AP1G1: variants seen among roughly 807,000 people sequenced by gnomAD.
AP1G1 encodes the protein adaptor related protein complex 1 subunit gamma 1, also known as AP-1 complex subunit gamma-1.
AP1G1 carries 7 observed loss-of-function variants against 108.3 expected under a neutral mutation model. The observed-to-expected ratio is 0.06, with a 90% CI of 0.04 to 0.12. The LOEUF is 0.12. Ranked by LOEUF, AP1G1 falls within the 10% of genes least tolerant of loss-of-function variation. The probability of loss-of-function intolerance (pLI) is 1.00; values close to 1 mark genes in which losing one functional copy is unlikely to be tolerated. For synonymous variants in AP1G1, 379 were observed against 353.5 expected (o/e 1.07, Z -0.81); for missense variants, 756 against 1,010.7 (o/e 0.75, Z 3.42).
intron 13 of AP1G1, among the ~76,000 whole-genome samples, chr16:71,752,143 A>C (rs1220718147): frequency 6.6e-6 from 1 of 152,314 alleles, no homozygotes; most frequent in South Asian, 2.1e-4. Context: ...TCACATGATC[A>C]TAAGAGAACA....
rs1224447162 is a variant in AP1G1, at chr16:71,746,638, C to T, written c.1680G>A (p.Gln560=). The change falls in exon 17 of 23, where the codon CAG becomes CAA. Residue 560 remains glutamine, a synonymous_variant. Transcript: ENST00000299980. ...GTGCATTATATTCTACTGCCCTCTG[C>T]TGGAGTTCCACATCAATGCTGCTTC... ...IYGSSIDVEL[Q]QRAVEYNALF... 3.1e-6 allele frequency: 5 copies of T among 1,613,434 alleles called. No individual in the cohort carries two copies. The South Asian group carries it at 5.5e-5, about 18-fold the overall frequency.
Position 71,746,682 on chromosome 16 carries a change from T to C in AP1G1, c.1636A>G (p.Lys546Glu). Residue 546 changes from lysine to glutamate, a missense_variant, in exon 17 of 23, where the codon AAA becomes GAA. Physicochemically the swap from Lys to Glu is moderately conservative, Grantham distance 56. Around this residue, in one of 3 missense-constraint regions of AP1G1, gnomAD observed 357 missense variants for 366.5 expected, o/e 0.97. Coordinates refer to ENST00000299980, the MANE Select transcript of AP1G1 (RefSeq NM_001128.6). ...RFTCTVNRIK[K>E]VVSIYGSSID... ...CTGCTTCCGTAGATGGAAACCACTTTCTTAATTCGGCTATAGATAAAATGA... is the reference window on the plus strand; with the variant it reads ...CTGCTTCCGTAGATGGAAACCACTTCCTTAATTCGGCTATAGATAAAATGA... The C allele has an allele frequency of 6.2e-7, 1 of 1,611,062 alleles. No homozygotes were observed. Among genetic ancestry groups the C allele is most frequent in the Non-Finnish European group, 8.5e-7 (1 of 1,178,618 alleles).
At chr16:71,753,659 CATT>C in intron 13 of AP1G1, 171 bp downstream of exon 13, 1 of 654,900 alleles carries the variant, frequency 1.5e-6, no homozygotes, top group Non-Finnish European at 2.7e-6. Context: ...ATCCTGCCAT[CATT>C]ATATTCCTCC....
At position 71,738,350 on chromosome 16, in the gene AP1G1, C is replaced by T. The variant is rs183702415; in HGVS notation, c.2268+592G>A. On this transcript the variant is annotated intron_variant, in intron 21 of 22. Coordinates refer to ENST00000299980, the MANE Select transcript of AP1G1 (RefSeq NM_001128.6). ...CTGGGATTACAGCCGTGAGCCACTG[C>T]ACCCGGCCTCAAGATTTTTCACTAT... is the stretch of plus-strand genomic sequence containing the variant. 4.2e-3 allele frequency among the ~76,000 whole-genome samples: 635 copies of T among 152,176 alleles called. 8 individuals are homozygous for T. Among genetic ancestry groups the T allele is most frequent in the African/African-American group, 0.014 (568 of 41,524 alleles).
intron 1 of AP1G1, chr16:71,808,506 G>A (rs2033079677): frequency 4.8e-6 from 6 of 1,257,818 alleles, no homozygotes; most frequent in Non-Finnish European, 6.2e-6. Flanking sequence ...GGCCCGTACC[G>A]GCGGGGCAAC....
chr16:71,732,765 G>C lies in AP1G1; in HGVS notation c.*293C>G. Reference sequence around the variant, plus strand: ...AGCTGCTTATTTCCTCAGGGGCCCAGGGAATGTTGATTCTGGCTGTAAATG... The same window carrying C: ...AGCTGCTTATTTCCTCAGGGGCCCACGGAATGTTGATTCTGGCTGTAAATG... On this transcript the variant is annotated 3_prime_UTR_variant, in exon 23 of 23. Coordinates refer to ENST00000299980, the MANE Select transcript of AP1G1 (RefSeq NM_001128.6). 1 of 292,370 alleles carries C rather than the reference G, an allele frequency of 3.4e-6. No homozygotes were observed. The highest frequency in any genetic ancestry group is 6.4e-6 in the Non-Finnish European group (1 of 156,252). 18.1% of individuals were successfully genotyped at this position (292,370 alleles called of 1,614,324 possible).
intron 13 of AP1G1, among the ~76,000 whole-genome samples, chr16:71,752,129 C>A (rs1172241204): frequency 6.6e-6 from 1 of 151,932 alleles, no homozygotes; most frequent in Non-Finnish European, 1.5e-5. Flanking sequence ...CTAAAGAAAA[C>A]AAATCACATG....
intron 21 of AP1G1, among the ~76,000 whole-genome samples, chr16:71,738,439 AAC>A (rs1263865415): frequency 6.6e-6 from 1 of 152,156 alleles, no homozygotes; most frequent in African/African-American, 2.4e-5. Flanking sequence ...GATTCACAAA[AAC>A]AGTTACTGTA....
At chr16:71,761,711 T>C in intron 9 of AP1G1, 144 bp from the exon 10 acceptor site, 1 of 617,522 alleles carries the variant, frequency 1.6e-6, no homozygotes, top group South Asian at 2.2e-5. Flanking sequence ...GGCTCACGCC[T>C]GTAATCCCAG....
intron 1 of AP1G1, among the ~76,000 whole-genome samples, chr16:71,807,534 G>C (rs905142289): frequency 9.2e-5 from 14 of 152,158 alleles, no homozygotes; most frequent in Admixed American, 4.6e-4. Context: ...TACTTAGAGG[G>C]TTCATATTTT....
At chr16:71,789,607 C>T (rs1244669559) in intron 1 of AP1G1, 125 bp from the exon 2 acceptor site, 35 of 932,572 alleles carry the variant, frequency 3.8e-5, no homozygotes, top group Middle Eastern at 6.6e-4. Context: ...TCCAGCTTAG[C>T]GAAGCTAAAC....
At position 71,730,905 on chromosome 16, in the gene AP1G1, A is replaced by G. The variant is rs1422393639; in HGVS notation, c.*2153T>C. On this transcript the variant is annotated 3_prime_UTR_variant, in exon 23 of 23. Coordinates refer to ENST00000299980, the MANE Select transcript of AP1G1 (RefSeq NM_001128.6). ...CAGCTCCATTAGCTGACAGTGTCTT[A>G]TAGCATGGTCTTGAACAGATTTCTT... The G allele has an allele frequency of 2.0e-5, 3 of 152,428 alleles. No homozygotes were observed. The East Asian group carries it at 5.8e-4, about 29-fold the overall frequency. 9.4% of individuals were successfully genotyped at this position (152,428 alleles called of 1,614,324 possible).
intron 17 of AP1G1, among the ~76,000 whole-genome samples, chr16:71,746,352 TC>T (rs1212214100): frequency 6.6e-6 from 1 of 152,090 alleles, no homozygotes; most frequent in Non-Finnish European, 1.5e-5. Context: ...AAGCAAACTT[TC>T]CATATCAAAA....
At chr16:71,774,321 G>A in intron 3 of AP1G1, 147 bp downstream of exon 3, 1 of 755,802 alleles carries the variant, frequency 1.3e-6, no homozygotes, top group South Asian at 2.1e-5. Context: ...GTTGGGGGAG[G>A]ACGGTGGCAG....
At chr16:71,745,393 A>C (rs969990165) in intron 18 of AP1G1, 80 bp downstream of exon 18, 5 of 1,607,016 alleles carry the variant, frequency 3.1e-6, no homozygotes, top group Middle Eastern at 1.8e-4. Context: ...GGAACATTAA[A>C]GGGACTCAGC....
chr16:71,731,147 A>G lies in AP1G1; in HGVS notation c.*1911T>C, dbSNP rs546844990. 1.3e-4 allele frequency: 20 copies of G among 152,654 alleles called. No homozygotes were observed. Among genetic ancestry groups the G allele is most frequent in the African/African-American group, 4.8e-4 (20 of 41,590 alleles). The allele number at this position is 152,654 out of a possible 1,614,324, so 9.5% of individuals were successfully genotyped here. On this transcript the variant is annotated 3_prime_UTR_variant, in exon 23 of 23. Transcript: ENST00000299980. ...CCTTAAAGGCTATTTTTCATTGCAC[A>G]GGCAGAGCAGTTGTCTGAAATATGC...
At chr16:71,751,024 G>A (rs1055182076) in intron 13 of AP1G1, among the ~76,000 whole-genome samples, 2 of 151,512 alleles carry the variant, frequency 1.3e-5, no homozygotes, top group African/African-American at 4.8e-5. Flanking sequence ...GGCATGTGGT[G>A]GGTGCTTGTA....
intron 1 of AP1G1, among the ~76,000 whole-genome samples, chr16:71,795,829 G>T (rs2032565864): frequency 6.6e-6 from 1 of 152,174 alleles, no homozygotes; most frequent in African/African-American, 2.4e-5. Context: ...GAGTAGAGGG[G>T]TGCATACCTA....
intron 10 of AP1G1, among the ~76,000 whole-genome samples, chr16:71,761,097 C>T (rs2031063802): frequency 6.6e-6 from 1 of 152,112 alleles, no homozygotes; most frequent in African/African-American, 2.4e-5. Context: ...CTGCTGTTTT[C>T]GTACATCAAA....
Sources: allele counts gnomAD v4.1 joint callset (sites outside exome capture counted in the v4.1 genomes callset), GRCh38; gene constraint gnomAD v4.1.1; regional missense constraint gnomAD v4.1.1; transcripts MANE v1.5; gene names NCBI Gene and HGNC (gene_info 2026-07-23, HGNC 2026-07-21).